ZBTB37: variants seen among roughly 807,000 people sequenced by gnomAD.
ZBTB37 encodes zinc finger and BTB domain-containing protein 37.
ZBTB37 carries 15 observed loss-of-function variants against 37.7 expected under a neutral mutation model. The ratio of observed to expected loss-of-function variants is 0.40; its 90% CI spans 0.27 to 0.61. The LOEUF is 0.61. Ranked by LOEUF, ZBTB37 falls within the 20% of genes least tolerant of loss-of-function variation. The pLI, the probability that ZBTB37 is intolerant of heterozygous loss-of-function variation, is 0.44. For synonymous variants in ZBTB37, 231 were observed against 220.6 expected, an observed-to-expected ratio of 1.05 and a Z score of -0.42; for missense variants, 514 against 641.9, an observed-to-expected ratio of 0.80 and a Z score of 2.15.
At chr1:173,885,499 G>T in intron 4 of ZBTB37, 137 bp from the exon 5 acceptor site, 2 of 719,662 alleles carry the variant, frequency 2.8e-6, no homozygotes, top group Non-Finnish European at 2.2e-6. Context: ...TTTACTTTTT[G>T]GTAATAATTT....
At chr1:173,870,993 T>C in exon 3 of ZBTB37, 1 of 1,614,204 alleles carries the variant, frequency 6.2e-7, no homozygotes, top group South Asian at 1.1e-5. Context: ...GGCTTGGGCC[T>C]GAGAATCAGC....
chr1:173,872,143 A>C (rs1412301505), intron 3 of ZBTB37, among the ~76,000 whole-genome samples: 1 of 152,122 alleles, frequency 6.6e-6, no homozygotes, highest in African/African-American at 2.4e-5. Context: ...ATCTCGGCTC[A>C]CTGCAAGCTC....
chr1:173,875,657 T>A (rs918431111), intron 4 of ZBTB37, among the ~76,000 whole-genome samples: 9 of 151,888 alleles, frequency 5.9e-5, no homozygotes, highest in Admixed American at 2.0e-4. Context: ...AAATTGCTTA[T>A]GCTTTTTTTT....
At chr1:173,876,978 C>T (rs1388348963) in intron 4 of ZBTB37, among the ~76,000 whole-genome samples, 1 of 152,134 alleles carries the variant, frequency 6.6e-6, no homozygotes, top group Non-Finnish European at 1.5e-5. Flanking sequence ...GGCTGCAAAC[C>T]TGTATAGCAT....
intron 4 of ZBTB37, 142 bp downstream of exon 4, chr1:173,873,708 G>A: frequency 7.5e-7 from 1 of 1,335,620 alleles, no homozygotes; most frequent in Non-Finnish European, 9.8e-7. Context: ...TTCCCTGAGG[G>A]TAGCAGAAGT....
intron 3 of ZBTB37, among the ~76,000 whole-genome samples, chr1:173,871,557 G>A (rs763120847): frequency 6.6e-6 from 1 of 152,210 alleles, no homozygotes; most frequent in African/African-American, 2.4e-5. Flanking sequence ...TTCCTTTGTA[G>A]CACTGCTTGC....
At chr1:173,896,546 C>G (rs183884276) in exon 4 of ZBTB37, 46 of 152,250 alleles carry the variant, frequency 3.0e-4, no homozygotes, top group African/African-American at 1.1e-3. Flanking sequence ...TTAAATAATT[C>G]TTAAATGTGG....
chr1:173,885,493 C>G (rs1028850803), intron 4 of ZBTB37, 143 bp from the exon 5 acceptor site: 3 of 707,360 alleles, frequency 4.2e-6, no homozygotes, highest in Admixed American at 3.1e-5. Context: ...AATATCTTTA[C>G]TTTTTGGTAA....
intron 4 of ZBTB37, among the ~76,000 whole-genome samples, chr1:173,880,127 A>G (rs1031924300): frequency 2.0e-5 from 3 of 152,164 alleles, no homozygotes; most frequent in Non-Finnish European, 4.4e-5. Flanking sequence ...AGTGCATTTT[A>G]TTGCATTTGA....
chr1:173,889,698 C>T (rs994865766), downstream of ZBTB37: 29 of 152,152 alleles, frequency 1.9e-4, no homozygotes, highest in South Asian at 4.1e-4. Context: ...TACTCAGAAC[C>T]GTATTTACCT....
downstream of ZBTB37, chr1:173,891,033 A>G (rs1656821342): frequency 1.3e-5 from 2 of 152,222 alleles, no homozygotes; most frequent in Admixed American, 6.5e-5. Flanking sequence ...AACTTTTTCT[A>G]GATCCTCTTA....
At chr1:173,875,330 A>ATATT (rs1399968929) in intron 4 of ZBTB37, among the ~76,000 whole-genome samples, 2 of 122,474 alleles carry the variant, frequency 1.6e-5, no homozygotes, top group African/African-American at 7.8e-5. Flanking sequence ...ATATATATAT[A>ATATT]TTTTTTTTTT....
At chr1:173,899,514 G>A (rs1657179137) in exon 4 of ZBTB37, 1 of 152,214 alleles carries the variant, frequency 6.6e-6, no homozygotes, top group Non-Finnish European at 1.5e-5. Flanking sequence ...AAGCCATGGA[G>A]TCTTACCTTT....
chr1:173,898,517 A>G (rs1016016021), exon 4 of ZBTB37: 3 of 151,954 alleles, frequency 2.0e-5, no homozygotes, highest in Non-Finnish European at 2.9e-5. Context: ...AGCCTCCCCA[A>G]AGTGATAGGA....
intron 3 of ZBTB37, 38 bp from the exon 4 acceptor site, chr1:173,873,429 C>G: frequency 6.5e-7 from 1 of 1,542,864 alleles, no homozygotes; most frequent in Non-Finnish European, 8.8e-7. Flanking sequence ...TTTGATGCTG[C>G]TTTTGTATTA....
intron 3 of ZBTB37, among the ~76,000 whole-genome samples, chr1:173,872,976 C>T (rs897574147): frequency 2.0e-5 from 3 of 150,608 alleles, no homozygotes; most frequent in Non-Finnish European, 2.9e-5. Flanking sequence ...CACTGTACTC[C>T]AGCCTGGGCA....
intron 4 of ZBTB37, among the ~76,000 whole-genome samples, chr1:173,884,009 C>T (rs926873330): frequency 4.6e-5 from 7 of 152,076 alleles, no homozygotes; most frequent in Admixed American, 1.3e-4. Context: ...ACATATAATT[C>T]CCTCCTACAT....
chr1:173,885,588 G>T lies in ZBTB37; in HGVS notation c.1024-48G>T. 2.1e-6 allele frequency: 3 copies of T among 1,427,594 alleles called. No individual in the cohort carries two copies. In the Middle Eastern group the frequency reaches 5.4e-4, roughly 257 times the overall value. The allele number at this position is 1,427,594 out of a possible 1,614,324, so 88.4% of individuals were successfully genotyped here. A position where few individuals can be genotyped will look rare whatever the true frequency, so the allele number is the denominator to read the frequency against. ...AGATTTGATTGCTTTTAATATGTAT[G>T]CTTAATAATATTTGTTCTTTCTTGG... On this transcript the variant is annotated intron_variant, in intron 4 of 4. Transcript: ENST00000427304.
At chr1:173,894,881 T>G (rs1656985364) in exon 4 of ZBTB37, 2 of 152,202 alleles carry the variant, frequency 1.3e-5, no homozygotes, top group Admixed American at 1.3e-4. Context: ...ATTTATTATG[T>G]CTACCATGGG....
Sources: gnomAD v4.1 joint callset for allele counts (sites outside exome capture counted in the v4.1 genomes callset) on GRCh38, gnomAD v4.1.1 for gene constraint, MANE v1.5 for transcripts, NCBI Gene and HGNC (gene_info 2026-07-23, HGNC 2026-07-21) for gene names.